The following R3HDM2 variants were observed in gnomAD, a reference collection of about 807,000 sequenced individuals.
R3HDM2 encodes R3H domain-containing protein 2.
A neutral mutation model predicts 124.5 loss-of-function variants in R3HDM2; 38 were observed. The observed-to-expected ratio is 0.31, with a 90% CI of 0.24 to 0.40. R3HDM2 has a LOEUF of 0.40. Among genes scored for constraint, R3HDM2 ranks in the 10% least tolerant of loss-of-function variants. The pLI is 1.00. For missense variants in R3HDM2, 869 were observed against 1,236.9 expected, an observed-to-expected ratio of 0.70 and a Z score of 4.46; for synonymous variants, 391 against 448.0, an observed-to-expected ratio of 0.87 and a Z score of 1.61.
At chr12:57,387,755 A>G (rs1161920827) in intron 2 of R3HDM2, among the ~76,000 whole-genome samples, 1 of 152,220 alleles carries the variant, frequency 6.6e-6, no homozygotes, top group African/African-American at 2.4e-5. Context: ...TGTTTCATAC[A>G]TAATAAATAT....
At chr12:57,265,171 G>C (rs1244377641) in intron 19 of R3HDM2, among the ~76,000 whole-genome samples, 1 of 152,184 alleles carries the variant, frequency 6.6e-6, no homozygotes, top group East Asian at 1.9e-4. Flanking sequence ...AAAAAAAAGT[G>C]TTGAAAATGT....
At chr12:57,363,254 A>T (rs186607945) in intron 2 of R3HDM2, among the ~76,000 whole-genome samples, 9 of 152,240 alleles carry the variant, frequency 5.9e-5, no homozygotes, top group Admixed American at 4.6e-4. Context: ...GCCTTATTTC[A>T]TCTACACTTT....
Position 57,372,429 on chromosome 12 carries a change from G to C in R3HDM2, c.-36+23320C>G, listed in dbSNP as rs12320772. On this transcript the variant is annotated intron_variant, in intron 2 of 23. Transcript: ENST00000402412. ...GGGGCGGGGGTGTGGGGGGAATCAGGAGTCACAGAGAAAATGGATTTCTGT... is the reference window on the plus strand; with the variant it reads ...GGGGCGGGGGTGTGGGGGGAATCAGCAGTCACAGAGAAAATGGATTTCTGT... Among the ~76,000 whole-genome samples, 1,260 of 152,260 alleles carry C rather than the reference G, an allele frequency of 8.3e-3. 16 individuals are homozygous for C. The highest frequency in any genetic ancestry group is 0.028 in the African/African-American group (1,174 of 41,552).
At chr12:57,360,912 C>T (rs1422093140) in intron 2 of R3HDM2, among the ~76,000 whole-genome samples, 1 of 151,550 alleles carries the variant, frequency 6.6e-6, no homozygotes, top group Non-Finnish European at 1.5e-5. Context: ...ATTAACCAGC[C>T]GTGGTGGGGG....
intron 14 of R3HDM2, among the ~76,000 whole-genome samples, chr12:57,279,055 C>T (rs1019723096): frequency 3.9e-5 from 6 of 152,018 alleles, no homozygotes; most frequent in Admixed American, 1.3e-4. Flanking sequence ...GACACATGGG[C>T]TTTCCAGCTA....
intron 2 of R3HDM2, among the ~76,000 whole-genome samples, chr12:57,390,522 C>T (rs1182648247): frequency 1.3e-5 from 2 of 151,820 alleles, no homozygotes; most frequent in Non-Finnish European, 2.9e-5. Flanking sequence ...CATAGTGAGA[C>T]CCCATCTTTA....
chr12:57,385,172 G>A (rs922269880), intron 2 of R3HDM2, among the ~76,000 whole-genome samples: 5 of 149,716 alleles, frequency 3.3e-5, no homozygotes, highest in African/African-American at 9.8e-5. Flanking sequence ...AAACAAATAA[G>A]AAGAAAAGTA....
At chr12:57,397,110 T>C (rs1227531930) in intron 1 of R3HDM2, among the ~76,000 whole-genome samples, 4 of 151,382 alleles carry the variant, frequency 2.6e-5, no homozygotes, top group African/African-American at 7.3e-5. Context: ...AAAAAAAAAA[T>C]TGTCTAGAAC....
At position 57,254,823 on chromosome 12, in the gene R3HDM2, C is replaced by T. The variant is rs1185049379; in HGVS notation, c.2923G>A (p.Ala975Thr). 1.9e-6 allele frequency: 3 copies of T among 1,607,308 alleles called. No individual in the cohort carries two copies. The African/African-American group carries it at 4.0e-5, about 22-fold the overall frequency. ...NSVSRFKLRM[A>T]KKNYDLRILE... is the part of the protein sequence containing the mutation. Reference sequence around the variant, plus strand: ...ATCCTCAGGTCATAGTTCTTTTTGGCCATTCGAAGTTTGAAGCGACTCACG... The same window carrying T: ...ATCCTCAGGTCATAGTTCTTTTTGGTCATTCGAAGTTTGAAGCGACTCACG... Residue 975 changes from alanine (A) to threonine (T), a missense_variant, in exon 24 of 24, where the codon GCC becomes ACC. Ala to Thr is a moderately conservative substitution (Grantham distance 58, BLOSUM62 0). Coordinates refer to ENST00000402412, the MANE Select transcript of R3HDM2 (RefSeq NM_001394031.1).
At chr12:57,349,379 C>CAAAAAAAAAAAA (rs1161831845) in intron 2 of R3HDM2, among the ~76,000 whole-genome samples, 5 of 57,742 alleles carry the variant, frequency 8.7e-5, no homozygotes, top group East Asian at 7.0e-4. Context: ...ACTCCGTCTC[C>CAAAAAAAAAAAA]AAAAAAAAAA....
chr12:57,377,106 A>ATAAATAAATAAG (rs59025569), intron 2 of R3HDM2, among the ~76,000 whole-genome samples: 41 of 130,318 alleles, frequency 3.1e-4, no homozygotes, highest in Non-Finnish European at 4.7e-4. Context: ...AAATAAATAA[A>ATAAATAAATAAG]AGAGACTTGG....
chr12:57,257,851 T>C (rs1026449063), intron 21 of R3HDM2, 139 bp downstream of exon 21: 13 of 911,130 alleles, frequency 1.4e-5, no homozygotes, highest in Admixed American at 3.6e-5. Flanking sequence ...TATACAGGGA[T>C]GTTAAAGGAA....
At chr12:57,356,924 G>A (rs917377636) in intron 2 of R3HDM2, among the ~76,000 whole-genome samples, 10 of 151,242 alleles carry the variant, frequency 6.6e-5, no homozygotes, top group Non-Finnish European at 1.5e-4. Context: ...TGGGTAACAC[G>A]GTGAAACCCC....
At chr12:57,366,330 T>G (rs2062651655) in intron 2 of R3HDM2, among the ~76,000 whole-genome samples, 1 of 152,174 alleles carries the variant, frequency 6.6e-6, no homozygotes, top group Non-Finnish European at 1.5e-5. Context: ...AGCCTTTTTT[T>G]CTATATTACA....
At chr12:57,429,326 G>T (rs1342110434) in intron 1 of R3HDM2, among the ~76,000 whole-genome samples, 5 of 152,192 alleles carry the variant, frequency 3.3e-5, no homozygotes, top group Non-Finnish European at 7.4e-5. Flanking sequence ...AGGCCTTCAA[G>T]AAAAAAGTTA....
chr12:57,323,936 C>T lies in R3HDM2; in HGVS notation c.-35-13473G>A, dbSNP rs772038017. Among the ~76,000 whole-genome samples the T allele has an allele frequency of 2.6e-5, 4 of 152,190 alleles. 1 individual carries two copies. The highest frequency in any genetic ancestry group is 6.8e-3 in the Middle Eastern group (2 of 294). ...AGTAATGCCACTATGCAGAAAGCAT[C>T]GCAGAATCTGAGGGATGAAAGAGAC... On this transcript the variant is annotated intron_variant, in intron 2 of 23. Transcript: ENST00000402412.
At chr12:57,346,815 G>C (rs2137112799) in intron 2 of R3HDM2, among the ~76,000 whole-genome samples, 1 of 152,334 alleles carries the variant, frequency 6.6e-6, no homozygotes, top group Middle Eastern at 3.4e-3. Flanking sequence ...AAAGTTTTAA[G>C]TTGATGGGGT....
intron 2 of R3HDM2, among the ~76,000 whole-genome samples, chr12:57,389,023 G>A (rs796342071): frequency 2.0e-5 from 3 of 151,936 alleles, no homozygotes; most frequent in African/African-American, 7.2e-5. Flanking sequence ...TTCTTATCAG[G>A]GTTACTAATA....
intron 18 of R3HDM2, among the ~76,000 whole-genome samples, chr12:57,267,859 C>T (rs2042822008): frequency 6.6e-6 from 1 of 152,068 alleles, no homozygotes. Flanking sequence ...TCTAAGGTGC[C>T]TTCTACCACT....
Sources: gnomAD v4.1 joint callset for allele counts (sites outside exome capture counted in the v4.1 genomes callset) on GRCh38, gnomAD v4.1.1 for gene constraint, MANE v1.5 for transcripts, NCBI Gene and HGNC (gene_info 2026-07-23, HGNC 2026-07-21) for gene names.